BDKRB2: variants seen among roughly 807,000 people sequenced by gnomAD.
BDKRB2 encodes the protein B2 bradykinin receptor.
Under a neutral mutation model 4.0 loss-of-function variants are expected in BDKRB2, and 6 were observed. The observed-to-expected ratio is 1.49, with a 90% CI of 0.81 to 2.93. The LOEUF is 2.93. Ranked by LOEUF, BDKRB2 falls within the 30% of genes most tolerant of loss-of-function variation. BDKRB2 has a pLI of 0.00. For missense variants in BDKRB2, 478 were observed against 520.1 expected, an observed-to-expected ratio of 0.92 and a Z score of 0.79; for synonymous variants, 225 against 215.3, an observed-to-expected ratio of 1.05 and a Z score of -0.40.
intron 1 of BDKRB2, among the ~76,000 whole-genome samples, chr14:96,227,507 C>T (rs956136690): frequency 2.0e-5 from 3 of 152,148 alleles, no homozygotes; most frequent in African/African-American, 7.2e-5. Context: ...GACCCATGCT[C>T]TTCCAACATT....
At chr14:96,237,839 C>A in intron 2 of BDKRB2, 1 of 1,289,692 alleles carries the variant, frequency 7.8e-7, no homozygotes, top group South Asian at 1.2e-5. Flanking sequence ...TTCTCAGAGC[C>A]AGGGATGGGC....
intron 1 of BDKRB2, among the ~76,000 whole-genome samples, chr14:96,217,636 G>A (rs945040): frequency 0.29 from 43,535 of 152,138 alleles, 7,161 homozygotes; most frequent in Non-Finnish European, 0.39. Flanking sequence ...AGGAAGCCCA[G>A]GTTCAGAGAG....
chr14:96,244,040 T>A lies in BDKRB2; in HGVS notation c.*2536T>A, dbSNP rs200538131. 2.5e-5 allele frequency: 10 copies of A among 396,352 alleles called. No individual in the cohort carries two copies. The highest frequency in any genetic ancestry group is 4.4e-5 in the Non-Finnish European group (10 of 225,220). The allele number at this position is 396,352 out of a possible 1,614,324, so 24.6% of individuals were successfully genotyped here. ...GGTGTAGATGCCCTGATAAAGAACA[T>A]CTGTCCTGTGAAAGACTCAATGAGC... On this transcript the variant is annotated 3_prime_UTR_variant, in exon 3 of 3. Coordinates refer to ENST00000554311, the MANE Select transcript of BDKRB2 (RefSeq NM_001379692.1).
At position 96,241,165 on chromosome 14, in the gene BDKRB2, C is replaced by A; in HGVS notation, c.837C>A (p.Phe279Leu). 6.2e-7 allele frequency: 1 copy of A among 1,606,120 alleles called. No homozygotes were observed. Among genetic ancestry groups the A allele is most frequent in the Non-Finnish European group, 8.5e-7 (1 of 1,174,392 alleles). Residue 279 changes from phenylalanine (F) to leucine (L), a missense_variant, in exon 3 of 3, where the codon TTC becomes TTA. Coordinates refer to ENST00000554311, the MANE Select transcript of BDKRB2 (RefSeq NM_001379692.1). ...TVLVLVVLLL[F>L]IICWLPFQIS... is the part of the protein sequence containing the mutation. The stretch of plus-strand genomic sequence containing the variant: ...TAGTCCTGGTTGTGCTGCTGCTATT[C>A]ATCATCTGCTGGCTGCCCTTCCAGA...
At chr14:96,213,742 G>T (rs1383645256) in intron 1 of BDKRB2, among the ~76,000 whole-genome samples, 4 of 152,134 alleles carry the variant, frequency 2.6e-5, no homozygotes, top group African/African-American at 9.7e-5. Flanking sequence ...ATATGCCTGA[G>T]CCCCAGGGCA....
At chr14:96,219,155 A>G (rs918247019) in intron 1 of BDKRB2, among the ~76,000 whole-genome samples, 2 of 151,778 alleles carry the variant, frequency 1.3e-5, no homozygotes, top group Admixed American at 1.3e-4. Flanking sequence ...TACAAAAATT[A>G]GCAGGGCGTG....
chr14:96,239,847 C>T (rs1433130688), intron 2 of BDKRB2: 3 of 985,346 alleles, frequency 3.0e-6, no homozygotes, highest in African/African-American at 1.7e-5. Context: ...ATCTTCAGTG[C>T]TTTGCTGATA....
chr14:96,241,440 G>C lies in BDKRB2; in HGVS notation c.1112G>C (p.Arg371Pro). ...ATGGAGAACTCCATGGGCACACTGC[G>C]GACCTCCATCTCCGTGGAACGCCAG... ...IQMENSMGTLRTSISVERQIH... is the reference protein window; with the variant it reads ...IQMENSMGTLPTSISVERQIH... The change falls in exon 3 of 3, where the codon CGG becomes CCG. Residue 371 changes from arginine to proline, a missense_variant. Arg to Pro is a moderately radical substitution (Grantham distance 103). Coordinates refer to ENST00000554311, the MANE Select transcript of BDKRB2 (RefSeq NM_001379692.1). 1 of 1,595,972 alleles carries C rather than the reference G, an allele frequency of 6.3e-7. No homozygotes were observed. Among genetic ancestry groups the C allele is most frequent in the Non-Finnish European group, 8.5e-7 (1 of 1,175,848 alleles).
At chr14:96,214,469 A>T (rs558749597) in intron 1 of BDKRB2, among the ~76,000 whole-genome samples, 2 of 152,320 alleles carry the variant, frequency 1.3e-5, no homozygotes, top group African/African-American at 4.8e-5. Context: ...TTATCCCACA[A>T]GCGGGGACCT....
At chr14:96,240,373 G>A (rs201793455) in intron 2 of BDKRB2, 30 bp from the exon 3 acceptor site, 2 of 1,422,522 alleles carry the variant, frequency 1.4e-6, no homozygotes, top group South Asian at 1.9e-5. Flanking sequence ...GACCCTGAGG[G>A]GTAACAGCCT....
chr14:96,205,963 C>A (rs550153462), intron 1 of BDKRB2, among the ~76,000 whole-genome samples: 2 of 152,248 alleles, frequency 1.3e-5, no homozygotes, highest in African/African-American at 4.8e-5. Flanking sequence ...GAAGTGGGAG[C>A]CCTGGCCTGG....
At chr14:96,205,216 T>A (rs1890146745) in intron 1 of BDKRB2, among the ~76,000 whole-genome samples, 1 of 152,196 alleles carries the variant, frequency 6.6e-6, no homozygotes, top group South Asian at 2.1e-4. Context: ...CAGGCTTGTG[T>A]GTGTCCAGTG....
chr14:96,235,218 G>A (rs1250334273), intron 1 of BDKRB2, among the ~76,000 whole-genome samples: 4 of 151,778 alleles, frequency 2.6e-5, no homozygotes, highest in African/African-American at 9.7e-5. Flanking sequence ...CATGGTGGCA[G>A]GCACCTGTGA....
intron 2 of BDKRB2, chr14:96,239,151 T>C: frequency 1.0e-6 from 1 of 985,358 alleles, no homozygotes; most frequent in Non-Finnish European, 1.2e-6. Context: ...CCCTTTTCCT[T>C]CTCTCACCCA....
At position 96,241,998 on chromosome 14, in the gene BDKRB2, A is replaced by G. The variant is rs540572538; in HGVS notation, c.*494A>G. 1 of 154,580 alleles carries G rather than the reference A, an allele frequency of 6.5e-6. No individual in the cohort carries two copies. Among genetic ancestry groups the G allele is most frequent in the South Asian group, 2.0e-4 (1 of 4,896 alleles). 9.6% of individuals were successfully genotyped at this position (154,580 alleles called of 1,614,324 possible). A position where few individuals can be genotyped will look rare whatever the true frequency, so the allele number is the denominator to read the frequency against. ...ACAATTTCTTGCATTAATAAAGGTTAAGCCCTGAGGGGTCCCTGATAACAA... is the reference window on the plus strand; with the variant it reads ...ACAATTTCTTGCATTAATAAAGGTTGAGCCCTGAGGGGTCCCTGATAACAA... On this transcript the variant is annotated 3_prime_UTR_variant, in exon 3 of 3. Coordinates refer to ENST00000554311, the MANE Select transcript of BDKRB2 (RefSeq NM_001379692.1).
chr14:96,205,977 T>C (rs964610645), intron 1 of BDKRB2, among the ~76,000 whole-genome samples: 10 of 152,090 alleles, frequency 6.6e-5, no homozygotes, highest in Non-Finnish European at 2.9e-5. Flanking sequence ...GGCCTGGGTG[T>C]GGGGTGATGG....
At chr14:96,209,799 C>T (rs1229741274) in intron 1 of BDKRB2, among the ~76,000 whole-genome samples, 1 of 151,956 alleles carries the variant, frequency 6.6e-6, no homozygotes, top group Non-Finnish European at 1.5e-5. Context: ...AGTTCGAGAC[C>T]AGCCTGTCCA....
chr14:96,240,931 C>A lies in BDKRB2; in HGVS notation c.603C>A (p.Tyr201Ter). The A allele has an allele frequency of 6.3e-7, 1 of 1,594,950 alleles. No homozygotes were observed. The highest frequency in any genetic ancestry group is 1.2e-5 in the South Asian group (1 of 86,410). The stretch of plus-strand genomic sequence containing the variant: ...TGGTGTTCCGGACCATGAAGGAGTA[C>A]AGCGATGAGGGCCACAACGTCACCG... The part of the protein sequence containing the change: ...PMLVFRTMKE[Y>*]SDEGHNVTAC... The change falls in exon 3 of 3, where the codon TAC (tyrosine) becomes TAA (stop). Residue 201 changes from tyrosine (Y) to a stop codon, truncating the protein, a stop_gained. Transcript: ENST00000554311. LOFTEE classifies it low-confidence loss of function (END_TRUNC).
chr14:96,235,113 C>T (rs761807674), intron 1 of BDKRB2, among the ~76,000 whole-genome samples: 1 of 152,002 alleles, frequency 6.6e-6, no homozygotes, highest in African/African-American at 2.4e-5. Flanking sequence ...TTTGGGAGGC[C>T]GAGGCGGGTG....
Sources: gnomAD v4.1 joint callset for allele counts (sites outside exome capture counted in the v4.1 genomes callset) on GRCh38, gnomAD v4.1.1 for gene constraint, MANE v1.5 for transcripts, NCBI Gene and HGNC (gene_info 2026-07-23, HGNC 2026-07-21) for gene names.